The following CD1B variants were observed in gnomAD, a reference collection of about 807,000 sequenced individuals.
CD1B encodes the protein CD1b molecule.
In CD1B, 43 loss-of-function variants were observed where a neutral mutation model predicts 39.8. The ratio of observed to expected loss-of-function variants is 1.08; its 90% confidence interval spans 0.85 to 1.39. The LOEUF is 1.39. Ranked by LOEUF, CD1B falls within the 40% of genes most tolerant of loss-of-function variation. The pLI, the probability that CD1B is intolerant of heterozygous loss-of-function variation, is 0.00. For synonymous variants in CD1B, 192 were observed against 152.5 expected (o/e 1.26, Z -1.91); for missense variants, 495 against 403.8 (o/e 1.23, Z -1.94).
chr1:158,306,449 A>T, the CD1B span, among the ~76,000 whole-genome samples: 791 of 152,312 alleles, frequency 5.2e-3, 3 homozygotes, highest in Non-Finnish European at 8.1e-3. Flanking sequence ...AGAGGCCTAG[A>T]AAGAGACTTA....
At chr1:158,290,874 T>C in the CD1B span, among the ~76,000 whole-genome samples, 1 of 152,114 alleles carries the variant, frequency 6.6e-6, no homozygotes, top group Non-Finnish European at 1.5e-5. Flanking sequence ...TGTATCTGGG[T>C]TGAGCATGAT....
At chr1:158,306,307 C>A in the CD1B span, among the ~76,000 whole-genome samples, 1 of 152,000 alleles carries the variant, frequency 6.6e-6, no homozygotes, top group African/African-American at 2.4e-5. Flanking sequence ...AGACTTTAAA[C>A]CAACAAAGAT....
chr1:158,299,187 C>T, the CD1B span, among the ~76,000 whole-genome samples: 2 of 152,228 alleles, frequency 1.3e-5, no homozygotes, highest in Admixed American at 6.5e-5. Flanking sequence ...AGATATGTTC[C>T]ATCAATATCT....
the CD1B span, among the ~76,000 whole-genome samples, chr1:158,304,615 G>C: frequency 6.6e-6 from 1 of 152,210 alleles, no homozygotes; most frequent in East Asian, 1.9e-4. Flanking sequence ...TGCAGCTGGA[G>C]ATCTGAGAAT....
In CD1B at chr1:158,329,029, A is replaced by G; in HGVS notation, c.887-15T>C. On this transcript the variant is annotated splice_polypyrimidine_tract_variant and intron_variant, in intron 4 of 5. Coordinates refer to ENST00000368168, the MANE Select transcript of CD1B (RefSeq NM_001764.3). ...GGTGGGGTTTCCTGGCAATTGAGAG[A>G]GGACAAAAGGATGTCACTTCAGATA... is the stretch of plus-strand genomic sequence containing the variant. 6.3e-7 allele frequency: 1 copy of G among 1,590,994 alleles called. No individual in the cohort carries two copies. Among genetic ancestry groups the G allele is most frequent in the South Asian group, 1.1e-5 (1 of 89,456 alleles).
At chr1:158,330,709 G>A (rs1652563312) in intron 2 of CD1B, 87 bp downstream of exon 2, 4 of 1,301,228 alleles carry the variant, frequency 3.1e-6, no homozygotes, top group Non-Finnish European at 4.5e-6. Flanking sequence ...GAAAGGAAGG[G>A]AGAAGCATCA....
At chr1:158,302,789 T>C in the CD1B span, among the ~76,000 whole-genome samples, 1 of 151,934 alleles carries the variant, frequency 6.6e-6, no homozygotes. Flanking sequence ...GAATCAGTAA[T>C]AAAAAGGTTG....
the CD1B span, chr1:158,291,082 G>A: frequency 3.3e-6 from 5 of 1,519,130 alleles, no homozygotes; most frequent in Non-Finnish European, 4.5e-6. Flanking sequence ...CATTTTCCTT[G>A]CCTCTCTTTT....
At chr1:158,325,185 C>A (rs1286489042), downstream of CD1B, among the ~76,000 whole-genome samples, 2 of 152,016 alleles carry the variant, frequency 1.3e-5, no homozygotes, top group African/African-American at 4.8e-5. Flanking sequence ...TTCTTTCACC[C>A]CTAGGCCATT....
At chr1:158,325,091 C>G (rs1422711035), downstream of CD1B, among the ~76,000 whole-genome samples, 5 of 151,222 alleles carry the variant, frequency 3.3e-5, no homozygotes, top group East Asian at 1.9e-4. Context: ...TACCTTGATT[C>G]CATCAAGGTA....
downstream of CD1B, among the ~76,000 whole-genome samples, chr1:158,324,918 C>T (rs1652294592): frequency 6.6e-6 from 1 of 152,028 alleles, no homozygotes; most frequent in South Asian, 2.1e-4. Flanking sequence ...ACAATTTGAG[C>T]TTCAATAAAA....
At chr1:158,315,537 A>C in the CD1B span, among the ~76,000 whole-genome samples, 1 of 151,468 alleles carries the variant, frequency 6.6e-6, no homozygotes, top group Non-Finnish European at 1.5e-5. Context: ...GTTTGAGTTC[A>C]TTGTAGATTC....
chr1:158,326,305 A>C (rs1169700267), downstream of CD1B, among the ~76,000 whole-genome samples: 1 of 152,210 alleles, frequency 6.6e-6, no homozygotes, highest in Non-Finnish European at 1.5e-5. Flanking sequence ...AATAAAGAGA[A>C]CAAAGGGGCA....
chr1:158,324,544 A>G (rs1178583930), downstream of CD1B, among the ~76,000 whole-genome samples: 2 of 152,172 alleles, frequency 1.3e-5, no homozygotes, highest in African/African-American at 4.8e-5. Context: ...TCCGTGTGGG[A>G]GAAAAGAGAA....
At chr1:158,329,142 C>G (rs1451235084) in intron 4 of CD1B, 128 bp from the exon 5 acceptor site, 1 of 937,246 alleles carries the variant, frequency 1.1e-6, no homozygotes, top group Admixed American at 2.6e-5. Flanking sequence ...TCCTGGCCAC[C>G]ATATATCCAT....
chr1:158,308,660 C>G, the CD1B span, among the ~76,000 whole-genome samples: 1 of 152,104 alleles, frequency 6.6e-6, no homozygotes, highest in African/African-American at 2.4e-5. Context: ...AGAACAGAGC[C>G]CTCAGAAATA....
At chr1:158,300,295 G>A in the CD1B span, among the ~76,000 whole-genome samples, 8 of 152,202 alleles carry the variant, frequency 5.3e-5, no homozygotes, top group Non-Finnish European at 1.2e-4. Context: ...GGTTTTGAGT[G>A]AGTTTCTTAA....
the CD1B span, among the ~76,000 whole-genome samples, chr1:158,316,139 G>A: frequency 3.3e-5 from 5 of 151,870 alleles, no homozygotes; most frequent in Admixed American, 6.6e-5. Context: ...TTGGCAATGC[G>A]GGCTCTTTTT....
At chr1:158,294,461 T>C in the CD1B span, among the ~76,000 whole-genome samples, 2 of 152,232 alleles carry the variant, frequency 1.3e-5, no homozygotes, top group Non-Finnish European at 1.5e-5. Context: ...CCTCAATCTG[T>C]CCATGTTTCT....
Sources: gnomAD v4.1 joint callset for allele counts (sites outside exome capture counted in the v4.1 genomes callset) on GRCh38, gnomAD v4.1.1 for gene constraint, MANE v1.5 for transcripts, NCBI Gene and HGNC (gene_info 2026-07-23, HGNC 2026-07-21) for gene names.